Variants in ELMO1 observed in about 807,000 individuals in gnomAD.
ELMO1 encodes the protein engulfment and cell motility 1, also known as engulfment and cell motility protein 1.
In ELMO1, 26 loss-of-function variants were observed where a neutral mutation model predicts 98.9. The ratio of observed to expected loss-of-function variants is 0.26; its 90% confidence interval spans 0.19 to 0.36. The LOEUF (loss-of-function observed/expected upper bound fraction) is 0.36. ELMO1 is among the 10% of genes least tolerant of loss of function. The pLI, the probability that ELMO1 is intolerant of heterozygous loss-of-function variation, is 1.00. For synonymous variants in ELMO1, 346 were observed against 346.0 expected (o/e 1.00, Z 0.00); for missense variants, 627 against 935.2 (o/e 0.67, Z 4.30).
chr7:37,260,014 C>T (rs1795899154), intron 5 of ELMO1, among the ~76,000 whole-genome samples: 1 of 152,178 alleles, frequency 6.6e-6, no homozygotes, highest in African/African-American at 2.4e-5. Flanking sequence ...GGCATTTGCA[C>T]TTGGCTTCTA....
intron 14 of ELMO1, among the ~76,000 whole-genome samples, chr7:37,107,695 T>C (rs1785027036): frequency 6.6e-6 from 1 of 152,252 alleles, no homozygotes; most frequent in Non-Finnish European, 1.5e-5. Flanking sequence ...CCTGACTTCT[T>C]ACTGAGAAAT....
intron 9 of ELMO1, among the ~76,000 whole-genome samples, chr7:37,223,976 G>A (rs201957385): frequency 2.7e-5 from 1 of 37,426 alleles, no homozygotes. Flanking sequence ...TAATGGACCA[G>A]GGGCAACAGT....
chr7:37,373,319 C>T (rs1357524387), intron 1 of ELMO1, among the ~76,000 whole-genome samples: 2 of 152,134 alleles, frequency 1.3e-5, no homozygotes. Flanking sequence ...AAAAGAATTA[C>T]AAGGTGGCCA....
At chr7:37,425,935 T>G (rs1239336123) in intron 1 of ELMO1, among the ~76,000 whole-genome samples, 1 of 152,166 alleles carries the variant, frequency 6.6e-6, no homozygotes, top group Non-Finnish European at 1.5e-5. Context: ...AACAAGACTC[T>G]GGACCCTCAT....
intron 14 of ELMO1, among the ~76,000 whole-genome samples, chr7:37,128,931 T>C (rs918621145): frequency 2.6e-5 from 4 of 152,164 alleles, no homozygotes; most frequent in Admixed American, 1.3e-4. Flanking sequence ...AGGATTTAAA[T>C]TGTGTGTCCA....
At chr7:37,048,951 C>T (rs1365577082) in intron 15 of ELMO1, among the ~76,000 whole-genome samples, 6 of 152,136 alleles carry the variant, frequency 3.9e-5, no homozygotes, top group East Asian at 1.9e-4. Context: ...ATGGAAATGG[C>T]GATTCCCAAT....
At chr7:36,986,286 G>A (rs946120771) in intron 16 of ELMO1, 3 of 983,020 alleles carry the variant, frequency 3.1e-6, no homozygotes, top group Non-Finnish European at 3.6e-6. Context: ...AGAGATCATC[G>A]GCTTTTCCAG....
intron 13 of ELMO1, among the ~76,000 whole-genome samples, chr7:37,206,807 A>G (rs1225398935): frequency 1.3e-5 from 2 of 151,656 alleles, no homozygotes; most frequent in African/African-American, 2.4e-5. Flanking sequence ...AACACATTAT[A>G]TTGTTGAGAA....
intron 14 of ELMO1, among the ~76,000 whole-genome samples, chr7:37,121,173 G>GA (rs1018269909): frequency 6.6e-6 from 1 of 152,104 alleles, no homozygotes; most frequent in Non-Finnish European, 1.5e-5. Context: ...CAAAGATGGG[G>GA]AAAAAACAGA....
intron 6 of ELMO1, among the ~76,000 whole-genome samples, chr7:37,245,366 T>A (rs1794948326): frequency 1.3e-5 from 2 of 152,170 alleles, no homozygotes; most frequent in African/African-American, 4.8e-5. Context: ...GAGTAGGGAC[T>A]GAATACACGG....
chr7:37,070,961 C>T (rs1320950977), intron 15 of ELMO1, among the ~76,000 whole-genome samples: 1 of 152,084 alleles, frequency 6.6e-6, no homozygotes, highest in Non-Finnish European at 1.5e-5. Flanking sequence ...TTACTTTCAC[C>T]ACATTCCCCC....
At chr7:36,994,516 C>T (rs1276416940) in intron 16 of ELMO1, among the ~76,000 whole-genome samples, 1 of 152,234 alleles carries the variant, frequency 6.6e-6, no homozygotes, top group Non-Finnish European at 1.5e-5. Flanking sequence ...AAGCCTTCTT[C>T]TGAGTACTTC....
chr7:37,367,762 A>AACAG (rs1180366472), intron 1 of ELMO1, among the ~76,000 whole-genome samples: 6 of 152,308 alleles, frequency 3.9e-5, no homozygotes, highest in African/African-American at 1.4e-4. Flanking sequence ...CAAACAAACA[A>AACAG]AAGACACTGG....
At chr7:37,339,276 G>T (rs1351305474) in intron 2 of ELMO1, among the ~76,000 whole-genome samples, 1 of 152,146 alleles carries the variant, frequency 6.6e-6, no homozygotes, top group Non-Finnish European at 1.5e-5. Flanking sequence ...TGCACAAGCT[G>T]GTATATGCAT....
intron 13 of ELMO1, among the ~76,000 whole-genome samples, chr7:37,136,990 T>G: frequency 6.6e-6 from 1 of 152,122 alleles, no homozygotes. Context: ...AGGATAAGAA[T>G]TCACCAACCA....
chr7:37,070,439 C>T (rs1025128436), intron 15 of ELMO1, among the ~76,000 whole-genome samples: 1 of 152,160 alleles, frequency 6.6e-6, no homozygotes, highest in African/African-American at 2.4e-5. Flanking sequence ...AAAAATTTAT[C>T]AATTTAGTTC....
intron 13 of ELMO1, among the ~76,000 whole-genome samples, chr7:37,166,080 T>C (rs1203898991): frequency 1.3e-5 from 2 of 152,232 alleles, no homozygotes; most frequent in Non-Finnish European, 2.9e-5. Context: ...AGTGTATGTG[T>C]CGAGGAATTT....
intron 1 of ELMO1, among the ~76,000 whole-genome samples, chr7:37,361,982 G>A (rs987609024): frequency 3.9e-5 from 6 of 152,078 alleles, no homozygotes; most frequent in Non-Finnish European, 4.4e-5. Flanking sequence ...AGCCTATCAG[G>A]GGTTACCAGG....
intron 16 of ELMO1, among the ~76,000 whole-genome samples, chr7:36,994,237 T>C (rs1431867870): frequency 6.6e-6 from 1 of 152,232 alleles, no homozygotes; most frequent in East Asian, 1.9e-4. Flanking sequence ...GCAGACTCTA[T>C]TCTGCTCACC....
Sources: gnomAD v4.1 joint callset for allele counts (sites outside exome capture counted in the v4.1 genomes callset) on GRCh38, gnomAD v4.1.1 for gene constraint, MANE v1.5 for transcripts, NCBI Gene and HGNC (gene_info 2026-07-23, HGNC 2026-07-21) for gene names.